Variants in AP2B1 observed in about 807,000 individuals in gnomAD.
The protein encoded by AP2B1 is adaptor related protein complex 2 subunit beta 1, also known as AP-2 complex subunit beta.
AP2B1 carries 23 observed loss-of-function variants against 102.0 expected under a neutral mutation model. That is an observed-to-expected ratio of 0.23 (90% CI 0.16 to 0.32). The LOEUF is 0.32. Ranked by LOEUF, AP2B1 falls within the 10% of genes least tolerant of loss-of-function variation. AP2B1 has a pLI of 1.00. For synonymous variants in AP2B1, 381 were observed against 421.2 expected (o/e 0.90, Z 1.17); for missense variants, 541 against 1,157.4 (o/e 0.47, Z 7.73).
intron 12 of AP2B1, among the ~76,000 whole-genome samples, chr17:35,642,563 A>G (rs904956668): frequency 1.3e-5 from 2 of 152,236 alleles, no homozygotes; most frequent in Non-Finnish European, 2.9e-5. Flanking sequence ...CAAAATAATT[A>G]GGTTTTCTAG....
chr17:35,719,841 AT>A (rs1335568535), intron 21 of AP2B1, among the ~76,000 whole-genome samples: 14 of 151,912 alleles, frequency 9.2e-5, no homozygotes, highest in Non-Finnish European at 2.1e-4. Context: ...ATTAAAACAT[AT>A]TTTTTTTAAA....
chr17:35,661,899 A>T (rs2075366037), intron 14 of AP2B1, among the ~76,000 whole-genome samples: 1 of 152,192 alleles, frequency 6.6e-6, no homozygotes, highest in Non-Finnish European at 1.5e-5. Context: ...AGCAAAAGTA[A>T]TTGCGATTTT....
intron 9 of AP2B1, among the ~76,000 whole-genome samples, chr17:35,629,974 T>C (rs1240785294): frequency 2.0e-5 from 3 of 152,248 alleles, no homozygotes; most frequent in African/African-American, 4.8e-5. Context: ...CAGAGCCCCA[T>C]GTTTGTTCTT....
At chr17:35,664,657 A>G (rs1598218004) in intron 14 of AP2B1, among the ~76,000 whole-genome samples, 1 of 152,162 alleles carries the variant, frequency 6.6e-6, no homozygotes, top group East Asian at 1.9e-4. Context: ...TCAATAAGTA[A>G]ATATTTGAGT....
At chr17:35,680,686 G>GTTTTTTTTTGTTTT (rs2075799059) in intron 17 of AP2B1, among the ~76,000 whole-genome samples, 35 of 59,912 alleles carry the variant, frequency 5.8e-4, no homozygotes, top group East Asian at 3.2e-3. Flanking sequence ...TATGGTTTTG[G>GTTTTTTTTTGTTTT]TTTTTTTTTT....
chr17:35,710,133 G>T (rs2076417841), intron 19 of AP2B1, 101 bp from the exon 20 acceptor site: 1 of 802,968 alleles, frequency 1.2e-6, no homozygotes, highest in African/African-American at 1.7e-5. Flanking sequence ...TAGCTGTATT[G>T]CAAGAGCCAG....
At chr17:35,624,724 T>C in intron 6 of AP2B1, 137 bp downstream of exon 6, 1 of 715,734 alleles carries the variant, frequency 1.4e-6, no homozygotes, top group South Asian at 2.3e-5. Flanking sequence ...GTATTTTCTC[T>C]CTGGATTTAG....
intron 18 of AP2B1, among the ~76,000 whole-genome samples, chr17:35,703,594 C>T (rs1220601952): frequency 1.3e-5 from 2 of 152,130 alleles, no homozygotes; most frequent in Non-Finnish European, 2.9e-5. Flanking sequence ...AAACCAAATA[C>T]CACATGTTCT....
intron 17 of AP2B1, 24 bp from the exon 18 acceptor site, chr17:35,682,671 T>C (rs2075849859): frequency 6.3e-7 from 1 of 1,597,006 alleles, no homozygotes; most frequent in African/African-American, 1.3e-5. Flanking sequence ...TTAACCTCTG[T>C]GATTTATGTA....
At chr17:35,628,531 A>G (rs903470197) in intron 9 of AP2B1, among the ~76,000 whole-genome samples, 5 of 152,328 alleles carry the variant, frequency 3.3e-5, no homozygotes, top group African/African-American at 4.8e-5. Flanking sequence ...TGAGTCTGGG[A>G]GGCTGAGACT....
chr17:35,653,450 G>T (rs1187219105), intron 13 of AP2B1, among the ~76,000 whole-genome samples: 1 of 152,044 alleles, frequency 6.6e-6, no homozygotes, highest in African/African-American at 2.4e-5. Context: ...CCTTGGTTTT[G>T]TTTTTGTTTG....
chr17:35,720,565 ATATATATAT>A (rs1451337310), intron 21 of AP2B1, among the ~76,000 whole-genome samples: 1 of 52,384 alleles, frequency 1.9e-5, no homozygotes, highest in African/African-American at 7.4e-5. Flanking sequence ...ATATATATAT[ATATATATAT>A]TTTTTTTTTT....
chr17:35,676,176 G>A (rs537175697), intron 17 of AP2B1, among the ~76,000 whole-genome samples: 62 of 152,274 alleles, frequency 4.1e-4, no homozygotes, highest in African/African-American at 1.3e-3. Context: ...TCAGATTTAG[G>A]CTCATATTCT....
In AP2B1 at chr17:35,605,690, A is replaced by G; in HGVS notation, c.144-15A>G. ...CCTGCTTACTTTCCTTTTCTCTTTTACCCTCTCTTCTCAGTTCTCTCTTTC... is the reference window on the plus strand; with the variant it reads ...CCTGCTTACTTTCCTTTTCTCTTTTGCCCTCTCTTCTCAGTTCTCTCTTTC... On this transcript the variant is annotated splice_polypyrimidine_tract_variant and intron_variant, in intron 3 of 21. Transcript: ENST00000610402. 1 of 1,590,528 alleles carries G rather than the reference A, an allele frequency of 6.3e-7. No homozygotes were observed. The highest frequency in any genetic ancestry group is 8.6e-7 in the Non-Finnish European group (1 of 1,164,232).
chr17:35,611,174 A>G (rs777574950), intron 5 of AP2B1, among the ~76,000 whole-genome samples: 9 of 152,154 alleles, frequency 5.9e-5, no homozygotes, highest in Non-Finnish European at 1.2e-4. Context: ...CTTTTGATTC[A>G]CTGTTATTCT....
intron 12 of AP2B1, among the ~76,000 whole-genome samples, chr17:35,649,094 G>C (rs76590885): frequency 4.0e-5 from 6 of 151,880 alleles, no homozygotes; most frequent in African/African-American, 1.5e-4. Context: ...TTAATATTAC[G>C]TGAGCTCCTT....
At chr17:35,686,563 C>T (rs139876121) in intron 18 of AP2B1, among the ~76,000 whole-genome samples, 40 of 152,332 alleles carry the variant, frequency 2.6e-4, no homozygotes, top group Non-Finnish European at 4.7e-4. Flanking sequence ...TGCTTGGCCT[C>T]CTTTTTCCAG....
intron 4 of AP2B1, among the ~76,000 whole-genome samples, chr17:35,607,569 G>A (rs1316324074): frequency 6.6e-6 from 1 of 152,178 alleles, no homozygotes; most frequent in Non-Finnish European, 1.5e-5. Flanking sequence ...ATATTTGGAA[G>A]CACTTGCTAG....
At chr17:35,670,793 G>A in intron 14 of AP2B1, 64 bp from the exon 15 acceptor site, 1 of 1,498,522 alleles carries the variant, frequency 6.7e-7, no homozygotes, top group Non-Finnish European at 9.3e-7. Flanking sequence ...ATTCTATATG[G>A]GCATCTAGTA....
Sources: gnomAD v4.1 joint callset for allele counts (sites outside exome capture counted in the v4.1 genomes callset) on GRCh38, gnomAD v4.1.1 for gene constraint, MANE v1.5 for transcripts, NCBI Gene and HGNC (gene_info 2026-07-23, HGNC 2026-07-21) for gene names.